Variants in SSTR3 observed in about 807,000 individuals in gnomAD.
The protein encoded by SSTR3 is somatostatin receptor 3, also known as somatostatin receptor type 3.
For synonymous variants in SSTR3, 281 were observed against 269.2 expected (o/e 1.04, Z -0.43); for missense variants, 504 against 604.7 (o/e 0.83, Z 1.75).
chr22:37,213,877 C>A (rs1231644352), upstream of SSTR3, among the ~76,000 whole-genome samples: 1 of 152,218 alleles, frequency 6.6e-6, no homozygotes, highest in Non-Finnish European at 1.5e-5. Context: ...GTGCCCCAGG[C>A]GTACCCAGCC....
chr22:37,214,779 G>A (rs114339439), upstream of SSTR3, among the ~76,000 whole-genome samples: 3,843 of 152,118 alleles, frequency 0.025, 68 homozygotes, highest in East Asian at 0.12. Flanking sequence ...CCTGTTCCTC[G>A]TCAAATAAAA....
At chr22:37,215,814 T>G (rs963970656), upstream of SSTR3, 5 of 289,086 alleles carry the variant, frequency 1.7e-5, no homozygotes, top group East Asian at 4.4e-4. Context: ...TTCATACAGA[T>G]CCACTGGGGA....
At chr22:37,216,414 C>A (rs1454169620), upstream of SSTR3, among the ~76,000 whole-genome samples, 1 of 152,190 alleles carries the variant, frequency 6.6e-6, no homozygotes, top group Non-Finnish European at 1.5e-5. Flanking sequence ...AATGCATATC[C>A]AGTGTTCCCA....
chr22:37,204,271 G>C lies in SSTR3; in HGVS notation c.*2276C>G. On this transcript the variant is annotated 3_prime_UTR_variant, in exon 2 of 2. Transcript: ENST00000610913. ...ACCGTCTTTATTGACAAGAGCTAGA[G>C]ACAGAAGCAGCAAAGGGTTTCCTAA... is the stretch of plus-strand genomic sequence containing the variant. The C allele has an allele frequency of 6.6e-6, 1 of 152,328 alleles. No individual in the cohort carries two copies. The highest frequency in any genetic ancestry group is 1.9e-4 in the East Asian group (1 of 5,188). The allele number at this position is 152,328 out of a possible 1,614,324, so 9.4% of individuals were successfully genotyped here.
chr22:37,210,926 C>T (rs1926152228), intron 1 of SSTR3: 2 of 985,476 alleles, frequency 2.0e-6, no homozygotes, highest in Non-Finnish European at 2.4e-6. Flanking sequence ...AGGAGAGCTC[C>T]AAGGTGGGAC....
chr22:37,206,741 C>G lies in SSTR3; in HGVS notation c.1063G>C (p.Glu355Gln), dbSNP rs143269835. 3 of 1,609,362 alleles carry G rather than the reference C, an allele frequency of 1.9e-6. No individual in the cohort carries two copies. The East Asian group carries it at 6.7e-5, about 36-fold the overall frequency. ...TCCCTGCTCTCCTCCCCATCCTCCT[C>G]CTCCTCATCCTCCTCCTCAGTCTTC... Reference protein sequence around the residue: ...PEKTEEEDEEEEDGEESREGG... With the variant: ...PEKTEEEDEEQEDGEESREGG... Residue 355 changes from glutamate (E) to glutamine (Q), a missense_variant, in exon 2 of 2, where the codon GAG (glutamate) becomes CAG (glutamine). Glu to Gln is a conservative substitution (Grantham distance 29, BLOSUM62 2). Transcript: ENST00000610913.
chr22:37,209,397 C>T (rs750537838), intron 1 of SSTR3, among the ~76,000 whole-genome samples: 2 of 152,220 alleles, frequency 1.3e-5, no homozygotes, highest in Non-Finnish European at 2.9e-5. Flanking sequence ...CATCTCCTCC[C>T]TGTTCTTGGG....
At chr22:37,212,572 G>C (rs1041758228), upstream of SSTR3, among the ~76,000 whole-genome samples, 1 of 152,026 alleles carries the variant, frequency 6.6e-6, no homozygotes, top group African/African-American at 2.4e-5. Context: ...CAGGAGGGGC[G>C]CAGACCCTGT....
At chr22:37,212,725 C>T (rs923256787), upstream of SSTR3, among the ~76,000 whole-genome samples, 2 of 152,146 alleles carry the variant, frequency 1.3e-5, no homozygotes, top group African/African-American at 4.8e-5. Flanking sequence ...GGCACAGGTC[C>T]CCCGGGGCAG....
At chr22:37,219,896 C>T in the SSTR3 span, among the ~76,000 whole-genome samples, 1 of 152,160 alleles carries the variant, frequency 6.6e-6, no homozygotes, top group Non-Finnish European at 1.5e-5. Flanking sequence ...AGGCTGGGCT[C>T]AGCTGGGTCG....
At chr22:37,215,357 T>A (rs1269823888), upstream of SSTR3, among the ~76,000 whole-genome samples, 10 of 152,320 alleles carry the variant, frequency 6.6e-5, no homozygotes, top group African/African-American at 2.2e-4. Context: ...ACTGGGATTA[T>A]AGGCATGAGC....
Position 37,206,988 on chromosome 22 carries a change from G to A in SSTR3, c.816C>T (p.Pro272=), listed in dbSNP as rs1925827252. The part of the protein sequence containing the change: ...VVALFVLCWM[P]FYVLNIVNVV... The stretch of plus-strand genomic sequence containing the variant: ...CGTTGACGATGTTGAGCACGTAGAA[G>A]GGCATCCAGCAGAGCACGAAGAGCG... Residue 272 remains proline, a synonymous_variant, in exon 2 of 2, where the codon CCC becomes CCT. Transcript: ENST00000610913. 6.2e-7 allele frequency: 1 copy of A among 1,612,296 alleles called. No individual in the cohort carries two copies. The highest frequency in any genetic ancestry group is 8.5e-7 in the Non-Finnish European group (1 of 1,179,270).
At chr22:37,215,142 G>T (rs1354037164), upstream of SSTR3, among the ~76,000 whole-genome samples, 2 of 152,194 alleles carry the variant, frequency 1.3e-5, no homozygotes, top group Non-Finnish European at 2.9e-5. Context: ...TTATGCCTCG[G>T]TGCATACATC....
chr22:37,214,437 T>A (rs1261436142), upstream of SSTR3, among the ~76,000 whole-genome samples: 4 of 152,204 alleles, frequency 2.6e-5, no homozygotes, highest in Non-Finnish European at 5.9e-5. Flanking sequence ...TCTTCCTAGT[T>A]ACACAATTGC....
upstream of SSTR3, among the ~76,000 whole-genome samples, chr22:37,214,137 C>T (rs1186015859): frequency 4.6e-5 from 7 of 152,214 alleles, no homozygotes; most frequent in South Asian, 2.1e-4. Context: ...GCCTGGAACC[C>T]GTCCACTGCT....
rs1433423547 is a variant in SSTR3 at position 37,212,250 on chromosome 22, G to A, written c.-462C>T. The A allele has an allele frequency of 2.8e-5, 16 of 561,982 alleles. No individual in the cohort carries two copies. Among genetic ancestry groups the A allele is most frequent in the South Asian group, 7.8e-5 (1 of 12,888 alleles). The allele number at this position is 561,982 out of a possible 1,614,324, so 34.8% of individuals were successfully genotyped here. A position where few individuals can be genotyped will look rare whatever the true frequency, so the allele number is the denominator to read the frequency against. On this transcript the variant is annotated 5_prime_UTR_variant, in exon 1 of 2. Transcript: ENST00000610913. ...AAGAGGGAGGGGGAGAGAGAGAGAG[G>A]GAGAGGGAGAGGAGACCGTGAGTAG...
upstream of SSTR3, among the ~76,000 whole-genome samples, chr22:37,217,344 T>C (rs191484202): frequency 2.0e-5 from 3 of 152,230 alleles, no homozygotes; most frequent in South Asian, 2.1e-4. Flanking sequence ...TATTCTGGAA[T>C]CTTCTAGGAT....
At chr22:37,208,800 C>G (rs924332615) in intron 1 of SSTR3, among the ~76,000 whole-genome samples, 1 of 152,210 alleles carries the variant, frequency 6.6e-6, no homozygotes, top group East Asian at 1.9e-4. Flanking sequence ...CAGCTTTGGA[C>G]CCTCCCCATT....
Position 37,212,167 on chromosome 22 carries a change from C to A in SSTR3, c.-379G>T. ...AGAGGGGAGCAAGGGACACAGAAGCCAATAGAAATAGAGGGGAAAGGGGGT... is the reference window on the plus strand; with the variant it reads ...AGAGGGGAGCAAGGGACACAGAAGCAAATAGAAATAGAGGGGAAAGGGGGT... On this transcript the variant is annotated 5_prime_UTR_variant, in exon 1 of 2. Coordinates refer to ENST00000610913, the MANE Select transcript of SSTR3 (RefSeq NM_001051.5). 1.0e-6 allele frequency: 1 copy of A among 979,128 alleles called. No individual in the cohort carries two copies. The highest frequency in any genetic ancestry group is 1.2e-6 in the Non-Finnish European group (1 of 828,808). 60.7% of individuals were successfully genotyped at this position (979,128 alleles called of 1,614,324 possible). A position where few individuals can be genotyped will look rare whatever the true frequency, so the allele number is the denominator to read the frequency against.
Sources: allele counts gnomAD v4.1 joint callset (sites outside exome capture counted in the v4.1 genomes callset), GRCh38; gene constraint gnomAD v4.1.1; transcripts MANE v1.5; gene names NCBI Gene and HGNC (gene_info 2026-07-23, HGNC 2026-07-21).